Variants in DNAJC5B observed in about 807,000 individuals in gnomAD.
The protein encoded by DNAJC5B is DnaJ heat shock protein family (Hsp40) member C5 beta.
A neutral mutation model predicts 24.7 loss-of-function variants in DNAJC5B; 23 were observed. The observed-to-expected ratio is 0.93, with a 90% confidence interval of 0.67 to 1.32. The LOEUF (loss-of-function observed/expected upper bound fraction) is 1.32. Among genes scored for constraint, DNAJC5B ranks in the 40% most tolerant of loss-of-function variants. The pLI, the probability that DNAJC5B is intolerant of heterozygous loss-of-function variation, is 0.00. For synonymous variants in DNAJC5B, 101 were observed against 90.1 expected (o/e 1.12, Z -0.68); for missense variants, 238 against 240.8 (o/e 0.99, Z 0.08).
chr8:66,083,584 T>C (rs1807651743), intron 5 of DNAJC5B, among the ~76,000 whole-genome samples: 1 of 152,156 alleles, frequency 6.6e-6, no homozygotes, highest in Admixed American at 6.5e-5. Flanking sequence ...CTCCAACCAG[T>C]ACTCCCAGCA....
intron 2 of DNAJC5B, among the ~76,000 whole-genome samples, chr8:66,045,635 C>G (rs187949598): frequency 4.4e-4 from 64 of 145,748 alleles, no homozygotes; most frequent in Middle Eastern, 6.8e-3. Flanking sequence ...AAGACAGGCT[C>G]CAGGCTGTTT....
chr8:66,063,079 A>G (rs1425391198), intron 3 of DNAJC5B, among the ~76,000 whole-genome samples: 1 of 152,226 alleles, frequency 6.6e-6, no homozygotes, highest in Non-Finnish European at 1.5e-5. Context: ...TCTGTGTCTC[A>G]TGAATAAGCT....
At chr8:66,028,204 G>GA (rs1470862115) in intron 1 of DNAJC5B, among the ~76,000 whole-genome samples, 3 of 152,278 alleles carry the variant, frequency 2.0e-5, no homozygotes, top group Non-Finnish European at 2.9e-5. Context: ...AACTTAGGGA[G>GA]AAAAACAATT....
At chr8:66,030,940 T>C (rs1362905094) in intron 1 of DNAJC5B, among the ~76,000 whole-genome samples, 1 of 152,242 alleles carries the variant, frequency 6.6e-6, no homozygotes, top group East Asian at 1.9e-4. Context: ...TATTCACATC[T>C]TGAGGCTGCT....
intron 3 of DNAJC5B, among the ~76,000 whole-genome samples, chr8:66,059,442 A>G (rs1354991646): frequency 1.3e-5 from 2 of 152,206 alleles, no homozygotes; most frequent in African/African-American, 4.8e-5. Context: ...TATCGCTCCA[A>G]GAGCCAACAG....
chr8:66,080,283 C>A (rs999839694), intron 4 of DNAJC5B, 94 bp from the exon 5 acceptor site: 31 of 1,528,670 alleles, frequency 2.0e-5, no homozygotes, highest in African/African-American at 2.8e-5. Context: ...GTGTTCAGGT[C>A]TCTGGGGGTA....
intron 5 of DNAJC5B, among the ~76,000 whole-genome samples, chr8:66,094,698 A>C (rs931356252): frequency 6.6e-6 from 1 of 152,056 alleles, no homozygotes; most frequent in Non-Finnish European, 1.5e-5. Flanking sequence ...TACTAGTAAA[A>C]TGTTGAAGAG....
chr8:66,078,912 A>G (rs1807530900), intron 4 of DNAJC5B, among the ~76,000 whole-genome samples: 1 of 152,172 alleles, frequency 6.6e-6, no homozygotes, highest in Non-Finnish European at 1.5e-5. Flanking sequence ...ACCTGAAGTT[A>G]TTGAAGAAAT....
At chr8:66,036,840 G>A (rs1315445493) in intron 1 of DNAJC5B, among the ~76,000 whole-genome samples, 3 of 152,208 alleles carry the variant, frequency 2.0e-5, no homozygotes, top group African/African-American at 4.8e-5. Context: ...AGTTGCAGAA[G>A]AGGCTTTTGG....
chr8:66,027,865 G>A (rs1044206916), intron 1 of DNAJC5B, among the ~76,000 whole-genome samples: 9 of 152,086 alleles, frequency 5.9e-5, no homozygotes, highest in South Asian at 4.1e-4. Flanking sequence ...TTTCAATCCC[G>A]TTTGTATTTT....
chr8:66,029,250 A>G (rs1806310736), intron 1 of DNAJC5B, among the ~76,000 whole-genome samples: 1 of 152,328 alleles, frequency 6.6e-6, no homozygotes, highest in South Asian at 2.1e-4. Flanking sequence ...ACCAGGGCAA[A>G]GGGAGTAGAA....
At chr8:66,036,934 C>A (rs1350925076) in intron 1 of DNAJC5B, among the ~76,000 whole-genome samples, 1 of 152,178 alleles carries the variant, frequency 6.6e-6, no homozygotes, top group Non-Finnish European at 1.5e-5. Context: ...CCCACCCAGT[C>A]CTGAGATTGT....
At chr8:66,016,674 T>C (rs1049206975), upstream of DNAJC5B, among the ~76,000 whole-genome samples, 3 of 152,346 alleles carry the variant, frequency 2.0e-5, no homozygotes, top group Admixed American at 2.0e-4. Context: ...TTTCAACATA[T>C]GAATTTTGTA....
At chr8:66,070,788 C>T (rs886113100) in intron 3 of DNAJC5B, among the ~76,000 whole-genome samples, 7 of 152,280 alleles carry the variant, frequency 4.6e-5, no homozygotes, top group African/African-American at 7.2e-5. Context: ...ATCATGCTAC[C>T]TGACTTCAAA....
intron 3 of DNAJC5B, among the ~76,000 whole-genome samples, chr8:66,053,053 C>A (rs547741028): frequency 6.0e-4 from 91 of 152,218 alleles, no homozygotes; most frequent in African/African-American, 2.1e-3. Flanking sequence ...GTAGCTAGGA[C>A]TTCAGGCTAG....
At chr8:66,037,598 A>G (rs1806516482) in intron 1 of DNAJC5B, among the ~76,000 whole-genome samples, 1 of 152,204 alleles carries the variant, frequency 6.6e-6, no homozygotes, top group African/African-American at 2.4e-5. Context: ...GGGCTTTTCC[A>G]TTCTAACCTC....
At chr8:66,061,524 A>G (rs1319318476) in intron 3 of DNAJC5B, among the ~76,000 whole-genome samples, 2 of 152,028 alleles carry the variant, frequency 1.3e-5, no homozygotes, top group Non-Finnish European at 2.9e-5. Context: ...TTCCAAACTC[A>G]GCTAGGGCAC....
At chr8:66,020,151 T>C (rs1035470870), upstream of DNAJC5B, among the ~76,000 whole-genome samples, 3 of 152,326 alleles carry the variant, frequency 2.0e-5, no homozygotes, top group East Asian at 1.9e-4. Context: ...TGGTTTGTAG[T>C]TAATGTTAAG....
intron 3 of DNAJC5B, among the ~76,000 whole-genome samples, chr8:66,058,785 C>T (rs1807020088): frequency 6.6e-6 from 1 of 152,186 alleles, no homozygotes; most frequent in South Asian, 2.1e-4. Flanking sequence ...AATGGAGTCC[C>T]CAGCTACCTC....
Sources: allele counts gnomAD v4.1 joint callset (sites outside exome capture counted in the v4.1 genomes callset), GRCh38; gene constraint gnomAD v4.1.1; transcripts MANE v1.5; gene names NCBI Gene and HGNC (gene_info 2026-07-23, HGNC 2026-07-21).